The following CLTCL1 variants were observed in gnomAD, a reference collection of about 807,000 sequenced individuals.
The protein encoded by CLTCL1 is clathrin heavy chain 2.
A neutral mutation model predicts 190.0 loss-of-function variants in CLTCL1; 159 were observed. That is an observed-to-expected ratio of 0.84 (90% CI 0.74 to 0.95). The LOEUF (loss-of-function observed/expected upper bound fraction) is 0.95. Ranked by LOEUF, CLTCL1 falls within the 40% of genes least tolerant of loss-of-function variation. The pLI is 0.00. For missense variants in CLTCL1, 1,878 were observed against 2,033.4 expected, an observed-to-expected ratio of 0.92 and a Z score of 1.47; for synonymous variants, 752 against 769.6, an observed-to-expected ratio of 0.98 and a Z score of 0.38.
chr22:19,239,499 G>A (rs560751119), intron 4 of CLTCL1, 111 bp from the exon 5 acceptor site: 17 of 782,020 alleles, frequency 2.2e-5, no homozygotes, highest in Admixed American at 7.7e-5. Flanking sequence ...GATGATTAAC[G>A]CTAAAAGTCA....
At chr22:19,283,572 C>T (rs1198200767) in intron 1 of CLTCL1, among the ~76,000 whole-genome samples, 1 of 152,138 alleles carries the variant, frequency 6.6e-6, no homozygotes, top group African/African-American at 2.4e-5. Context: ...TGCACCACTG[C>T]ACTGGACCTT....
intron 26 of CLTCL1, among the ~76,000 whole-genome samples, chr22:19,193,060 G>C (rs952108315): frequency 6.6e-6 from 1 of 152,174 alleles, no homozygotes; most frequent in Non-Finnish European, 1.5e-5. Flanking sequence ...CCTCCTCAAA[G>C]CCCCACCTGC....
intron 24 of CLTCL1, 103 bp downstream of exon 24, chr22:19,199,631 G>A: frequency 1.3e-6 from 1 of 760,690 alleles, no homozygotes; most frequent in Non-Finnish European, 2.1e-6. Flanking sequence ...ATTTGCAGAT[G>A]CAACACTGTG....
chr22:19,276,085 C>T (rs184556758), intron 1 of CLTCL1, among the ~76,000 whole-genome samples: 98 of 152,132 alleles, frequency 6.4e-4, no homozygotes, highest in Non-Finnish European at 4.4e-4. Context: ...GTGTCAAGGA[C>T]GCCACAAGTG....
intron 1 of CLTCL1, among the ~76,000 whole-genome samples, chr22:19,291,183 T>C (rs368112068): frequency 1.4e-4 from 22 of 152,314 alleles, no homozygotes; most frequent in Middle Eastern, 3.4e-3. Context: ...GAAGCCGCCC[T>C]GGGGACGAAA....
chr22:19,226,083 G>T, intron 12 of CLTCL1, 136 bp downstream of exon 12: 1 of 1,006,016 alleles, frequency 9.9e-7, no homozygotes, highest in Non-Finnish European at 1.4e-6. Context: ...GCTTTTGGTA[G>T]TAAAGTATGG....
At chr22:19,245,203 T>G (rs550939229) in intron 3 of CLTCL1, among the ~76,000 whole-genome samples, 1 of 147,176 alleles carries the variant, frequency 6.8e-6, no homozygotes, top group South Asian at 2.3e-4. Flanking sequence ...TTTTTTTTTT[T>G]TTTTTTGAGA....
chr22:19,278,830 C>T (rs541608165), intron 1 of CLTCL1, among the ~76,000 whole-genome samples: 82 of 152,320 alleles, frequency 5.4e-4, no homozygotes, highest in African/African-American at 1.9e-3. Context: ...CAACATCCAC[C>T]TCCCGGGTTC....
At chr22:19,217,443 C>T (rs782640974) in intron 18 of CLTCL1, among the ~76,000 whole-genome samples, 1 of 151,916 alleles carries the variant, frequency 6.6e-6, no homozygotes, top group Non-Finnish European at 1.5e-5. Flanking sequence ...GGTGAAACCC[C>T]AGCTCTACTA....
rs553008289 is a variant in CLTCL1 at position 19,220,007 on chromosome 22, C to T, written c.2797G>A (p.Val933Met). 5.6e-6 allele frequency: 9 copies of T among 1,613,934 alleles called. No homozygotes were observed. The highest frequency in any genetic ancestry group is 2.2e-5 in the East Asian group (1 of 44,884). ...RGQCDLELIK[V>M]CNENSLFKSE... ...TTGAACAGAGAATTCTCATTGCACA[C>T]CTGAAATGAGCACACTCATGTGTGT... Residue 933 changes from valine to methionine, a missense_variant and splice_region_variant, in exon 18 of 33, where the codon GTG (valine) becomes ATG (methionine). Coordinates refer to ENST00000427926, the MANE Select transcript of CLTCL1 (RefSeq NM_007098.4).
At chr22:19,224,325 T>C (rs2085672283) in intron 13 of CLTCL1, among the ~76,000 whole-genome samples, 2 of 152,130 alleles carry the variant, frequency 1.3e-5, no homozygotes, top group Admixed American at 6.6e-5. Flanking sequence ...GGCCCAGGTA[T>C]ACCTAGATAG....
At chr22:19,259,633 TA>T (rs1396299832) in intron 2 of CLTCL1, among the ~76,000 whole-genome samples, 1 of 152,196 alleles carries the variant, frequency 6.6e-6, no homozygotes, top group Non-Finnish European at 1.5e-5. Flanking sequence ...CACACACATA[TA>T]AGATAGTGGA....
intron 1 of CLTCL1, among the ~76,000 whole-genome samples, chr22:19,288,590 A>G (rs2087993172): frequency 6.6e-6 from 1 of 152,250 alleles, no homozygotes; most frequent in Non-Finnish European, 1.5e-5. Context: ...TAAATCACAC[A>G]GCCAGTAAGT....
At chr22:19,196,129 T>G in intron 26 of CLTCL1, 137 bp downstream of exon 26, 2 of 825,438 alleles carry the variant, frequency 2.4e-6, no homozygotes, top group Non-Finnish European at 3.7e-6. Flanking sequence ...CAGAGGGTGG[T>G]GGACTCATAC....
chr22:19,285,223 C>T (rs545755691), intron 1 of CLTCL1, among the ~76,000 whole-genome samples: 12 of 148,030 alleles, frequency 8.1e-5, no homozygotes, highest in African/African-American at 2.7e-4. Context: ...TGCAGTGAGC[C>T]GAGATTGTGC....
intron 2 of CLTCL1, among the ~76,000 whole-genome samples, chr22:19,255,444 T>C (rs1248557438): frequency 6.6e-6 from 1 of 151,886 alleles, no homozygotes; most frequent in African/African-American, 2.4e-5. Flanking sequence ...TCACCTGTAA[T>C]TCCAGCTACT....
intron 3 of CLTCL1, among the ~76,000 whole-genome samples, chr22:19,244,425 A>G (rs2086354763): frequency 6.6e-6 from 1 of 152,222 alleles, no homozygotes. Flanking sequence ...TGGTTGCCAA[A>G]GGCTGGTAAT....
chr22:19,212,558 T>C (rs1569177388), intron 19 of CLTCL1, among the ~76,000 whole-genome samples: 1 of 117,158 alleles, frequency 8.5e-6, no homozygotes, highest in East Asian at 2.7e-4. Context: ...GAGACCCTAT[T>C]GAAAGAAAGA....
At chr22:19,233,843 T>C (rs1364536275) in intron 7 of CLTCL1, among the ~76,000 whole-genome samples, 1 of 152,216 alleles carries the variant, frequency 6.6e-6, no homozygotes, top group Non-Finnish European at 1.5e-5. Context: ...AGGGTCTTAC[T>C]TCTCCCCCAG....
Sources: allele counts gnomAD v4.1 joint callset (sites outside exome capture counted in the v4.1 genomes callset), GRCh38; gene constraint gnomAD v4.1.1; transcripts MANE v1.5; gene names NCBI Gene and HGNC (gene_info 2026-07-23, HGNC 2026-07-21).